CAP2: variants seen among roughly 807,000 people sequenced by gnomAD.
The protein encoded by CAP2 is cyclase associated actin cytoskeleton regulatory protein 2.
CAP2 carries 24 observed loss-of-function variants against 57.7 expected under a neutral mutation model. The observed-to-expected ratio is 0.42, with a 90% CI of 0.30 to 0.58. The LOEUF is 0.58. Among genes scored for constraint, CAP2 ranks in the 20% least tolerant of loss-of-function variants. The probability of loss-of-function intolerance (pLI) is 0.22; values close to 1 mark genes in which losing one functional copy is unlikely to be tolerated. For synonymous variants in CAP2, 194 were observed against 207.2 expected (o/e 0.94, Z 0.55); for missense variants, 501 against 590.3 (o/e 0.85, Z 1.57).
intron 1 of CAP2, among the ~76,000 whole-genome samples, chr6:17,402,467 A>G (rs892164548): frequency 1.1e-4 from 17 of 152,230 alleles, no homozygotes; most frequent in South Asian, 4.1e-4. Context: ...TTCTAAATCT[A>G]TCTTAAAAAA....
chr6:17,398,724 C>T (rs1217521055), intron 1 of CAP2, among the ~76,000 whole-genome samples: 2 of 151,968 alleles, frequency 1.3e-5, no homozygotes, highest in Non-Finnish European at 2.9e-5. Context: ...CGGGATTTCA[C>T]CGTGTTAGCC....
intron 3 of CAP2, among the ~76,000 whole-genome samples, chr6:17,450,496 G>C (rs77427916): frequency 0.024 from 3,680 of 152,278 alleles, 163 homozygotes; most frequent in African/African-American, 0.084. Flanking sequence ...ATGTATGATA[G>C]AAGATTCTAG....
intron 7 of CAP2, among the ~76,000 whole-genome samples, chr6:17,520,312 G>A (rs911756934): frequency 3.9e-5 from 6 of 152,006 alleles, no homozygotes; most frequent in African/African-American, 7.2e-5. Context: ...ATTTCACCAC[G>A]TTGCCCAGGC....
intron 11 of CAP2, among the ~76,000 whole-genome samples, chr6:17,549,002 A>C (rs930772222): frequency 6.6e-6 from 1 of 152,214 alleles, no homozygotes; most frequent in African/African-American, 2.4e-5. Context: ...AAAAGCACAA[A>C]CCATAAAGAA....
intron 1 of CAP2, among the ~76,000 whole-genome samples, chr6:17,419,764 A>G (rs1581501960): frequency 6.6e-6 from 1 of 151,730 alleles, no homozygotes; most frequent in Non-Finnish European, 1.5e-5. Flanking sequence ...GCTCACTGCA[A>G]CCTCCACCTC....
At chr6:17,499,398 CAAAA>C (rs71002217) in intron 4 of CAP2, among the ~76,000 whole-genome samples, 3 of 69,566 alleles carry the variant, frequency 4.3e-5, no homozygotes, top group Non-Finnish European at 8.3e-5. Context: ...GACTCCATCT[CAAAA>C]AAAAAAAAAA....
chr6:17,452,409 C>T (rs1760430721), intron 3 of CAP2, among the ~76,000 whole-genome samples: 1 of 152,184 alleles, frequency 6.6e-6, no homozygotes, highest in African/African-American at 2.4e-5. Flanking sequence ...TGTGCCACTT[C>T]CTAATGGCAC....
intron 4 of CAP2, among the ~76,000 whole-genome samples, chr6:17,506,575 G>C (rs1484518327): frequency 6.6e-6 from 1 of 151,942 alleles, no homozygotes; most frequent in Non-Finnish European, 1.5e-5. Context: ...GGGAGGCGGA[G>C]GTCGCAGTGA....
chr6:17,548,411 G>T (rs1447737730), intron 11 of CAP2, among the ~76,000 whole-genome samples: 1 of 151,790 alleles, frequency 6.6e-6, no homozygotes, highest in Non-Finnish European at 1.5e-5. Flanking sequence ...AAATGCAATA[G>T]AAAATAAGGT....
intron 3 of CAP2, among the ~76,000 whole-genome samples, chr6:17,444,599 C>T (rs1405486985): frequency 6.7e-6 from 1 of 148,196 alleles, no homozygotes; most frequent in Non-Finnish European, 1.5e-5. Flanking sequence ...CGAGATCGCG[C>T]CACTGCACTC....
chr6:17,547,372 TTGAG>T (rs1221379184), intron 11 of CAP2, among the ~76,000 whole-genome samples: 1 of 134,120 alleles, frequency 7.5e-6, no homozygotes, highest in African/African-American at 2.5e-5. Flanking sequence ...CATAACTGAA[TTGAG>T]TGTCTGTGGA....
chr6:17,426,052 G>A (rs1034913871), intron 2 of CAP2, among the ~76,000 whole-genome samples: 1 of 151,610 alleles, frequency 6.6e-6, no homozygotes, highest in South Asian at 2.1e-4. Context: ...CCAAGATCAC[G>A]CCACTGCACT....
intron 7 of CAP2, 96 bp from the exon 8 acceptor site, chr6:17,539,173 C>A: frequency 8.7e-7 from 1 of 1,151,820 alleles, no homozygotes; most frequent in Non-Finnish European, 1.2e-6. Context: ...TTCAACCCCA[C>A]TCTCTCATTG....
At chr6:17,488,868 C>T (rs1238226504) in intron 4 of CAP2, among the ~76,000 whole-genome samples, 4 of 152,164 alleles carry the variant, frequency 2.6e-5, no homozygotes, top group Non-Finnish European at 5.9e-5. Context: ...GCACCTGCTG[C>T]TTCATATCTG....
At chr6:17,520,274 A>C (rs1762360556) in intron 7 of CAP2, among the ~76,000 whole-genome samples, 1 of 151,504 alleles carries the variant, frequency 6.6e-6, no homozygotes, top group South Asian at 2.1e-4. Flanking sequence ...TGCCTGGCTA[A>C]TTTTTATATT....
chr6:17,452,423 G>GT (rs1477602818), intron 3 of CAP2, among the ~76,000 whole-genome samples: 1 of 152,160 alleles, frequency 6.6e-6, no homozygotes, highest in Non-Finnish European at 1.5e-5. Flanking sequence ...ATGGCACACT[G>GT]GGAAGAGAGT....
chr6:17,510,858 T>C (rs886099117), intron 6 of CAP2, among the ~76,000 whole-genome samples: 1 of 152,180 alleles, frequency 6.6e-6, no homozygotes, highest in Non-Finnish European at 1.5e-5. Context: ...TTGGAGACTA[T>C]TTTAATTAGT....
rs971618261 is a variant in CAP2, at chr6:17,413,462, G to A, written c.-1-8093G>A. On this transcript the variant is annotated intron_variant, in intron 1 of 12. Transcript: ENST00000229922. ...AACAGCTTCCTGGCTTGACTGAGCA[G>A]GGTTTGCTTTCAGCCCCCTCACACT... 3.3e-5 allele frequency among the ~76,000 whole-genome samples: 5 copies of A among 152,130 alleles called. No homozygotes were observed. The East Asian group carries it at 9.6e-4, about 29-fold the overall frequency.
At chr6:17,515,529 G>A (rs570856704) in intron 7 of CAP2, among the ~76,000 whole-genome samples, 5 of 152,154 alleles carry the variant, frequency 3.3e-5, no homozygotes, top group South Asian at 2.1e-4. Flanking sequence ...CCTGGGTGAC[G>A]GGATCATTCA....
Sources: allele counts gnomAD v4.1 joint callset (sites outside exome capture counted in the v4.1 genomes callset), GRCh38; gene constraint gnomAD v4.1.1; transcripts MANE v1.5; gene names NCBI Gene and HGNC (gene_info 2026-07-23, HGNC 2026-07-21).